The following GRIK2 variants were observed in gnomAD, a reference collection of about 807,000 sequenced individuals.
The protein encoded by GRIK2 is glutamate receptor ionotropic, kainate 2.
A neutral mutation model predicts 100.3 loss-of-function variants in GRIK2; 32 were observed. The ratio of observed to expected loss-of-function variants is 0.32; its 90% CI spans 0.24 to 0.43. The LOEUF (loss-of-function observed/expected upper bound fraction) is 0.43. Among genes scored for constraint, GRIK2 ranks in the 20% least tolerant of loss-of-function variants. The pLI is 1.00. For missense variants in GRIK2, 843 were observed against 1,114.9 expected, an observed-to-expected ratio of 0.76 and a Z score of 3.47; for synonymous variants, 417 against 389.4, an observed-to-expected ratio of 1.07 and a Z score of -0.83.
At chr6:101,805,312 T>TCA (rs1780927406) in intron 9 of GRIK2, among the ~76,000 whole-genome samples, 2 of 130,186 alleles carry the variant, frequency 1.5e-5, no homozygotes, top group East Asian at 7.4e-4. Context: ...ATTCATCACC[T>TCA]TAAAAAAAAA....
chr6:101,900,432 G>T (rs1297942164), intron 12 of GRIK2, among the ~76,000 whole-genome samples: 1 of 152,096 alleles, frequency 6.6e-6, no homozygotes, highest in Admixed American at 6.6e-5. Flanking sequence ...AGCCGAGATC[G>T]CGCCATTGCA....
chr6:101,457,477 T>C (rs141344725), intron 2 of GRIK2, among the ~76,000 whole-genome samples: 14 of 152,248 alleles, frequency 9.2e-5, no homozygotes, highest in Middle Eastern at 3.4e-3. Flanking sequence ...CCGTATGTAA[T>C]CTTTATTGGC....
chr6:101,474,302 T>G (rs2128257694), intron 2 of GRIK2, among the ~76,000 whole-genome samples: 1 of 152,052 alleles, frequency 6.6e-6, no homozygotes, highest in South Asian at 2.1e-4. Context: ...GTTAGAAATG[T>G]CATATTCATT....
chr6:101,567,865 A>C (rs1274472606), intron 2 of GRIK2, among the ~76,000 whole-genome samples: 3 of 151,968 alleles, frequency 2.0e-5, no homozygotes, highest in African/African-American at 7.2e-5. Flanking sequence ...TAAAATAATT[A>C]TTTACCATCA....
chr6:101,735,377 T>C (rs1775565436), intron 7 of GRIK2, among the ~76,000 whole-genome samples: 1 of 152,154 alleles, frequency 6.6e-6, no homozygotes, highest in African/African-American at 2.4e-5. Flanking sequence ...TTAGAAAACA[T>C]ACTGTATTAG....
At chr6:101,463,936 T>C (rs559916925) in intron 2 of GRIK2, among the ~76,000 whole-genome samples, 1 of 152,138 alleles carries the variant, frequency 6.6e-6, no homozygotes, top group Non-Finnish European at 1.5e-5. Flanking sequence ...TCTGCGAGGG[T>C]GGATTATAAT....
At chr6:101,963,026 G>T (rs1385025938) in intron 14 of GRIK2, among the ~76,000 whole-genome samples, 5 of 150,990 alleles carry the variant, frequency 3.3e-5, no homozygotes, top group Non-Finnish European at 7.4e-5. Context: ...CTTTTGATTT[G>T]ATTGTACAAC....
intron 7 of GRIK2, among the ~76,000 whole-genome samples, chr6:101,769,947 A>G (rs984031546): frequency 6.6e-6 from 1 of 152,228 alleles, no homozygotes; most frequent in Non-Finnish European, 1.5e-5. Context: ...TTAGACAGGC[A>G]GTTGCTGGGC....
chr6:101,451,342 C>A (rs1770668908), intron 2 of GRIK2, among the ~76,000 whole-genome samples: 1 of 151,758 alleles, frequency 6.6e-6, no homozygotes, highest in Non-Finnish European at 1.5e-5. Context: ...TCTCTTATAG[C>A]TCTTAACATT....
At chr6:101,406,219 AT>A (rs145136925) in intron 2 of GRIK2, among the ~76,000 whole-genome samples, 33 of 150,528 alleles carry the variant, frequency 2.2e-4, no homozygotes, top group South Asian at 6.3e-4. Flanking sequence ...TTTCTGCAGG[AT>A]TTTTTTTTTA....
At chr6:101,459,828 T>A (rs1414262710) in intron 2 of GRIK2, among the ~76,000 whole-genome samples, 1 of 151,348 alleles carries the variant, frequency 6.6e-6, no homozygotes, top group East Asian at 2.0e-4. Flanking sequence ...CAGGCTGGAG[T>A]GCAATGGCAC....
rs977608046 is a variant in GRIK2, at chr6:101,682,603, T to C, written c.774T>C (p.Thr258=). Residue 258 remains threonine (T), a synonymous_variant, in exon 6 of 17, where the codon ACT becomes ACC. Coordinates refer to ENST00000369134, the MANE Select transcript of GRIK2 (RefSeq NM_021956.5). The part of the protein sequence containing the change: ...MTEYYHYIFT[T]LDLFALDVEP... ...AATACTATCATTATATCTTTACCAC[T>C]CTGGTAAGTACTTCATTAAAACAAA... 7 of 1,234,752 alleles carry C rather than the reference T, an allele frequency of 5.7e-6. No homozygotes were observed. Among genetic ancestry groups the C allele is most frequent in the African/African-American group, 4.5e-5 (3 of 66,444 alleles). The allele number at this position is 1,234,752 out of a possible 1,614,324, so 76.5% of individuals were successfully genotyped here. A position where few individuals can be genotyped will look rare whatever the true frequency, so the allele number is the denominator to read the frequency against.
At chr6:101,498,087 A>C (rs1028508763) in intron 2 of GRIK2, among the ~76,000 whole-genome samples, 3 of 130,108 alleles carry the variant, frequency 2.3e-5, no homozygotes, top group Non-Finnish European at 4.6e-5. Flanking sequence ...CTCATTGTTC[A>C]ATTTCCACCT....
intron 2 of GRIK2, among the ~76,000 whole-genome samples, chr6:101,468,139 G>A (rs542861540): frequency 6.6e-6 from 1 of 152,064 alleles, no homozygotes; most frequent in Non-Finnish European, 1.5e-5. Context: ...CCAAGGGACT[G>A]CCCAGTGGGA....
At chr6:101,693,430 A>G (rs976281342) in intron 7 of GRIK2, among the ~76,000 whole-genome samples, 3 of 151,308 alleles carry the variant, frequency 2.0e-5, no homozygotes, top group Non-Finnish European at 4.4e-5. Flanking sequence ...TTAAAAATGT[A>G]GGGGAGAAAA....
intron 2 of GRIK2, among the ~76,000 whole-genome samples, chr6:101,484,529 A>G (rs1772709127): frequency 7.3e-6 from 1 of 137,782 alleles, no homozygotes; most frequent in Non-Finnish European, 1.6e-5. Context: ...TAAAATGTAT[A>G]TATGTAACTA....
intron 12 of GRIK2, among the ~76,000 whole-genome samples, chr6:101,905,910 A>T (rs911881610): frequency 3.3e-5 from 5 of 151,594 alleles, no homozygotes; most frequent in Non-Finnish European, 5.9e-5. Flanking sequence ...TACATGGGGA[A>T]ATGATGACTT....
chr6:101,719,595 T>G (rs1774331024), intron 7 of GRIK2, among the ~76,000 whole-genome samples: 1 of 151,980 alleles, frequency 6.6e-6, no homozygotes, highest in African/African-American at 2.4e-5. Flanking sequence ...AGTGGGCAGT[T>G]AGATGCACTA....
At chr6:101,801,116 T>C (rs192119538) in intron 8 of GRIK2, among the ~76,000 whole-genome samples, 2 of 152,208 alleles carry the variant, frequency 1.3e-5, no homozygotes, top group East Asian at 3.9e-4. Flanking sequence ...ATTGAATTTG[T>C]GATAAAATTA....
Sources: allele counts gnomAD v4.1 joint callset (sites outside exome capture counted in the v4.1 genomes callset), GRCh38; gene constraint gnomAD v4.1.1; transcripts MANE v1.5; gene names NCBI Gene and HGNC (gene_info 2026-07-23, HGNC 2026-07-21).